Variants in FAT2 observed in about 807,000 individuals in gnomAD.
The protein encoded by FAT2 is FAT atypical cadherin 2, also known as protocadherin Fat 2.
A neutral mutation model predicts 295.3 loss-of-function variants in FAT2; 150 were observed. That is an observed-to-expected ratio of 0.51 (90% CI 0.44 to 0.58). The LOEUF is 0.58. FAT2 is among the 20% of genes least tolerant of loss of function. The probability of loss-of-function intolerance (pLI) is 0.00; values close to 1 mark genes in which losing one functional copy is unlikely to be tolerated. For missense variants in FAT2, 4,868 were observed against 5,442.7 expected (o/e 0.89, Z 3.32); for synonymous variants, 2,026 against 2,150.3 (o/e 0.94, Z 1.60).
rs537648951 is a variant in FAT2 at position 151,531,749 on chromosome 5, C to T, written c.9649G>A (p.Val3217Met). 17 of 1,613,492 alleles carry T rather than the reference C, an allele frequency of 1.1e-5. No individual in the cohort carries two copies. Among genetic ancestry groups the T allele is most frequent in the Non-Finnish European group, 1.1e-5 (13 of 1,179,976 alleles). Reference sequence around the variant, plus strand: ...ACGCTGTGCTCGGTGTTCAGGAACACGGGCAGGTAGTCTTCTAGGCCCACC... The same window carrying T: ...ACGCTGTGCTCGGTGTTCAGGAACATGGGCAGGTAGTCTTCTAGGCCCACC... ...SVVGLEDYLPVFLNTEHSVQV... is the reference protein window; with the variant it reads ...SVVGLEDYLPMFLNTEHSVQV... The change falls in exon 14 of 24, where the codon GTG becomes ATG. Residue 3217 changes from valine to methionine, a missense_variant. Around this residue, in one of 5 missense-constraint regions of FAT2, gnomAD observed 1,046 missense variants for 1,210.1 expected, o/e 0.86. Coordinates refer to ENST00000261800, the MANE Select transcript of FAT2 (RefSeq NM_001447.3). The surrounding 1 kb of genome is among the most constrained non-coding windows in gnomAD (Gnocchi z 5.7).
At position 151,554,563 on chromosome 5, in the gene FAT2, A is replaced by G. The variant is rs2127631197; in HGVS notation, c.3744T>C (p.Asn1248=). Residue 1248 remains asparagine, a synonymous_variant, in exon 5 of 24, where the codon AAT becomes AAC. Coordinates refer to ENST00000261800, the MANE Select transcript of FAT2 (RefSeq NM_001447.3). ...NPPIFSHKLF[N]VRLPERLSPV... is the part of the protein sequence containing the mutation. ...GGCTCAGCCTCTCTGGAAGGCGGAC[A>G]TTGAAGAGCTTGTGGGAGAATATAG... is the stretch of plus-strand genomic sequence containing the variant. 6.2e-7 allele frequency: 1 copy of G among 1,614,228 alleles called. No homozygotes were observed. The highest frequency in any genetic ancestry group is 1.1e-5 in the South Asian group (1 of 91,088).
Position 151,545,131 on chromosome 5 carries a change from T to C in FAT2, c.5996A>G (p.Asp1999Gly), listed in dbSNP as rs1264085094. ...ILGAQGNHLNDTLSYFLLNGT... is the reference protein window; with the variant it reads ...ILGAQGNHLNGTLSYFLLNGT... Reference sequence around the variant, plus strand: ...ATTCAAGAGAAAGTAGGAAAGGGTGTCATTCAAATGATTGCCCTGGGCACC... The same window carrying C: ...ATTCAAGAGAAAGTAGGAAAGGGTGCCATTCAAATGATTGCCCTGGGCACC... Residue 1999 changes from aspartate (D) to glycine (G), a missense_variant, in exon 10 of 24, where the codon GAC becomes GGC. Physicochemically the swap from Asp to Gly is moderately conservative, Grantham distance 94 (BLOSUM62 -1). This residue lies in a region of FAT2 where 3,297 missense variants were observed against 3,669.4 expected (regional missense o/e 0.90). Coordinates refer to ENST00000261800, the MANE Select transcript of FAT2 (RefSeq NM_001447.3). 6.2e-7 allele frequency: 1 copy of C among 1,614,164 alleles called. No individual in the cohort carries two copies.
intron 20 of FAT2, among the ~76,000 whole-genome samples, chr5:151,514,490 C>T (rs1426659622): frequency 6.6e-6 from 1 of 152,226 alleles, no homozygotes; most frequent in Non-Finnish European, 1.5e-5. Context: ...GCTAACTCTC[C>T]ACCTGCTCTA....
chr5:151,544,260 G>C lies in FAT2; in HGVS notation c.6867C>G (p.Thr2289=). ...TSISEGLPAQ[T]PVIQLLASDQ... Reference sequence around the variant, plus strand: ...CAGAAGCCAACAGTTGGATCACAGGGGTCTGAGCAGGCAAGCCTTCTGAGA... The same window carrying C: ...CAGAAGCCAACAGTTGGATCACAGGCGTCTGAGCAGGCAAGCCTTCTGAGA... Residue 2289 remains threonine, a synonymous_variant, in exon 10 of 24, where the codon ACC becomes ACG. Coordinates refer to ENST00000261800, the MANE Select transcript of FAT2 (RefSeq NM_001447.3). 1 of 1,614,180 alleles carries C rather than the reference G, an allele frequency of 6.2e-7. No individual in the cohort carries two copies. The highest frequency in any genetic ancestry group is 8.5e-7 in the Non-Finnish European group (1 of 1,180,032).
rs201028007 is a variant in FAT2, at chr5:151,550,661, T to C, written c.4507A>G (p.Ser1503Gly). ...TTTCCCACCGTTACCAGGACACCAC[T>C]GCTTGGGTCCAGCTGGAAGAGGCTG... is the stretch of plus-strand genomic sequence containing the variant. ...SASLFQLDPS[S>G]GVLVTVGKLD... is the part of the protein sequence containing the mutation. Residue 1503 changes from serine (S) to glycine (G), a missense_variant, in exon 8 of 24, where the codon AGT (serine) becomes GGT (glycine). Around this residue, in one of 5 missense-constraint regions of FAT2, gnomAD observed 3,297 missense variants for 3,669.4 expected, o/e 0.90. Coordinates refer to ENST00000261800, the MANE Select transcript of FAT2 (RefSeq NM_001447.3). 3 of 1,614,212 alleles carry C rather than the reference T, an allele frequency of 1.9e-6. No homozygotes were observed. The highest frequency in any genetic ancestry group is 2.5e-6 in the Non-Finnish European group (3 of 1,180,036).
chr5:151,568,949 A>T lies in FAT2; in HGVS notation c.-18T>A. 2 of 1,573,596 alleles carry T rather than the reference A, an allele frequency of 1.3e-6. No homozygotes were observed. The highest frequency in any genetic ancestry group is 2.4e-5 in the South Asian group (2 of 83,582). On this transcript the variant is annotated splice_region_variant and 5_prime_UTR_variant, in exon 2 of 24. Coordinates refer to ENST00000261800, the MANE Select transcript of FAT2 (RefSeq NM_001447.3). ...ATAGTCATGGTGGAAAACTCCCGAAACCCTGGGCAGAAAATAAAAGACAGG... is the reference window on the plus strand; with the variant it reads ...ATAGTCATGGTGGAAAACTCCCGAATCCCTGGGCAGAAAATAAAAGACAGG...
intron 2 of FAT2, 24 bp downstream of exon 2, chr5:151,565,649 C>CGG: frequency 4.4e-6 from 5 of 1,143,802 alleles, no homozygotes; most frequent in Non-Finnish European, 3.7e-6. Context: ...GCCCTGGCAC[C>CGG]CCACCCTACC....
In FAT2 at chr5:151,547,140, C is replaced by T. The variant is rs78198763; in HGVS notation, c.4790-803G>A. Among the ~76,000 whole-genome samples the T allele has an allele frequency of 9.7e-3, 1,469 of 152,112 alleles. 21 individuals carry two copies. Among genetic ancestry groups the T allele is most frequent in the African/African-American group, 0.034 (1,405 of 41,472 alleles). The stretch of plus-strand genomic sequence containing the variant: ...TATGTTGCTTCTTTAAATAAAAACA[C>T]CATATTGCTTACCATAAATCAGAAG... On this transcript the variant is annotated intron_variant, in intron 9 of 23. Coordinates refer to ENST00000261800, the MANE Select transcript of FAT2 (RefSeq NM_001447.3).
Position 151,544,590 on chromosome 5 carries a change from T to G in FAT2, c.6537A>C (p.Arg2179Ser). The change falls in exon 10 of 24, where the codon AGA becomes AGC. Residue 2179 changes from arginine to serine, a missense_variant. Physicochemically the swap from Arg to Ser is moderately radical, Grantham distance 110. Coordinates refer to ENST00000261800, the MANE Select transcript of FAT2 (RefSeq NM_001447.3). Reference protein sequence around the residue: ...PLFQSPYYKVRVPENITLYTP... With the variant: ...PLFQSPYYKVSVPENITLYTP... ...TATAGAGGGTGATATTTTCAGGTACTCTGACTTTGTAATAAGGACTCTGAA... is the reference window on the plus strand; with the variant it reads ...TATAGAGGGTGATATTTTCAGGTACGCTGACTTTGTAATAAGGACTCTGAA... 1.2e-6 allele frequency: 2 copies of G among 1,614,152 alleles called. No individual in the cohort carries two copies. The highest frequency in any genetic ancestry group is 1.7e-6 in the Non-Finnish European group (2 of 1,180,024).
At chr5:151,556,249 G>T (rs1757681281) in intron 4 of FAT2, 95 bp downstream of exon 4, 2 of 1,041,776 alleles carry the variant, frequency 1.9e-6, no homozygotes, top group South Asian at 2.5e-5. Flanking sequence ...CCTGAACCCA[G>T]ACCCTCCTCA....
Position 151,525,912 on chromosome 5 carries a change from A to G in FAT2, c.10362T>C (p.Asp3454=), listed in dbSNP as rs760497095. 6.2e-7 allele frequency: 1 copy of G among 1,614,200 alleles called. No individual in the cohort carries two copies. Among genetic ancestry groups the G allele is most frequent in the South Asian group, 1.1e-5 (1 of 91,086 alleles). Residue 3454 remains aspartate (D), a synonymous_variant, in exon 18 of 24, where the codon GAT becomes GAC. Transcript: ENST00000261800. ...KVLQLILSDP[D]SPENGPPYSF... Reference sequence around the variant, plus strand: ...AGTAGGGGGGGCCATTCTCTGGAGAATCTGGGTCACTCAGGATCAGCTGCA... The same window carrying G: ...AGTAGGGGGGGCCATTCTCTGGAGAGTCTGGGTCACTCAGGATCAGCTGCA...
intron 1 of FAT2, among the ~76,000 whole-genome samples, chr5:151,583,273 CA>C (rs1157708860): frequency 2.0e-5 from 3 of 152,188 alleles, no homozygotes; most frequent in Admixed American, 6.5e-5. Context: ...CTAGTTATAG[CA>C]GCCCCAAATT....
At chr5:151,522,985 C>G (rs1346350389) in intron 18 of FAT2, among the ~76,000 whole-genome samples, 1 of 152,160 alleles carries the variant, frequency 6.6e-6, no homozygotes, top group Non-Finnish European at 1.5e-5. Flanking sequence ...TGTTTCACCA[C>G]ACATCCCTGC....
intron 20 of FAT2, among the ~76,000 whole-genome samples, chr5:151,516,602 T>G (rs1752894442): frequency 6.6e-6 from 1 of 152,182 alleles, no homozygotes; most frequent in Non-Finnish European, 1.5e-5. Context: ...TTATCACATT[T>G]GAACAAATTC....
chr5:151,525,672 T>A, intron 18 of FAT2, 96 bp downstream of exon 18: 1 of 1,397,916 alleles, frequency 7.2e-7, no homozygotes. Flanking sequence ...AAGTGCTTTG[T>A]ACATTTTTTC....
chr5:151,549,839 A>G (rs1184699350), intron 8 of FAT2, among the ~76,000 whole-genome samples: 1 of 152,212 alleles, frequency 6.6e-6, no homozygotes, highest in East Asian at 1.9e-4. Flanking sequence ...AAAAAATTAT[A>G]TGGTCACATA....
Position 151,522,032 on chromosome 5 carries a change from C to G in FAT2, c.10561G>C (p.Val3521Leu). 6.2e-7 allele frequency: 1 copy of G among 1,611,992 alleles called. No individual in the cohort carries two copies. The stretch of plus-strand genomic sequence containing the variant: ...GGTGCATAGTGGCTCTGCTCTGTGA[C>G]ATGGACACGGACAGACGTCAAAGAC... Reference protein sequence around the residue: ...LSSLTSVRVHVTEQSHYAPSA... With the variant: ...LSSLTSVRVHLTEQSHYAPSA... Residue 3521 changes from valine (V) to leucine (L), a missense_variant, in exon 19 of 24, where the codon GTC becomes CTC. Around this residue, in one of 5 missense-constraint regions of FAT2, gnomAD observed 1,046 missense variants for 1,210.1 expected, o/e 0.86. Transcript: ENST00000261800.
rs1244356735 is a variant in FAT2 at position 151,566,591 on chromosome 5, C to G, written c.2341G>C (p.Glu781Gln). ...TTGAGGATGTAGAAATTGGTGGCTTCATAGTCCAAGGGAGCAGCTACAGTG... is the reference window on the plus strand; with the variant it reads ...TTGAGGATGTAGAAATTGGTGGCTTGATAGTCCAAGGGAGCAGCTACAGTG... ...LLTVAAPLDY[E>Q]ATNFYILNVT... is the part of the protein sequence containing the mutation. The change falls in exon 2 of 24, where the codon GAA (glutamate) becomes CAA (glutamine). Residue 781 changes from glutamate (E) to glutamine (Q), a missense_variant. Glu to Gln is a conservative substitution (Grantham distance 29). Coordinates refer to ENST00000261800, the MANE Select transcript of FAT2 (RefSeq NM_001447.3). The G allele has an allele frequency of 6.2e-7, 1 of 1,614,172 alleles. No individual in the cohort carries two copies. Among genetic ancestry groups the G allele is most frequent in the Non-Finnish European group, 8.5e-7 (1 of 1,180,030 alleles).
intron 1 of FAT2, among the ~76,000 whole-genome samples, chr5:151,573,888 C>T (rs967249104): frequency 3.3e-5 from 5 of 152,076 alleles, no homozygotes; most frequent in African/African-American, 1.2e-4. Flanking sequence ...AAAGTTTGAA[C>T]GTGGAGGGCT....
Sources: gnomAD v4.1 joint callset for allele counts (sites outside exome capture counted in the v4.1 genomes callset) on GRCh38, gnomAD v4.1.1 for gene constraint, gnomAD v4.1.1 regional missense constraint, Gnocchi (gnomAD v3.1) non-coding constraint, MANE v1.5 for transcripts, NCBI Gene and HGNC (gene_info 2026-07-23, HGNC 2026-07-21) for gene names.